The following HDAC9 variants were observed in gnomAD, a reference collection of about 807,000 sequenced individuals.
HDAC9 encodes the protein histone deacetylase 9, also known as MEF-2 interacting transcription repressor (MITR) protein.
HDAC9 carries 41 observed loss-of-function variants against 139.4 expected under a neutral mutation model. That is an observed-to-expected ratio of 0.29 (90% CI 0.23 to 0.38). HDAC9 has a LOEUF of 0.38. Among genes scored for constraint, HDAC9 ranks in the 10% least tolerant of loss-of-function variants. The probability of loss-of-function intolerance (pLI) is 1.00; values close to 1 mark genes in which losing one functional copy is unlikely to be tolerated. For missense variants in HDAC9, 1,147 were observed against 1,297.0 expected (o/e 0.88, Z 1.78); for synonymous variants, 517 against 476.2 (o/e 1.09, Z -1.12).
chr7:18,516,507 C>T (rs1803233729), intron 2 of HDAC9, among the ~76,000 whole-genome samples: 1 of 152,088 alleles, frequency 6.6e-6, no homozygotes, highest in Non-Finnish European at 1.5e-5. Context: ...TTCCTCTCAC[C>T]TCCTTCACAT....
chr7:18,393,048 G>C (rs946557613), intron 1 of HDAC9, among the ~76,000 whole-genome samples: 1 of 151,526 alleles, frequency 6.6e-6, no homozygotes, highest in Non-Finnish European at 1.5e-5. Flanking sequence ...GGGCAGAACA[G>C]TGATTCACTT....
At position 18,301,545 on chromosome 7, in the gene HDAC9, T is replaced by A. The variant is rs190333602; in HGVS notation, c.-42+11030T>A. Among the ~76,000 whole-genome samples the A allele has an allele frequency of 1.8e-3, 274 of 152,292 alleles. 1 individual carries two copies. The highest frequency in any genetic ancestry group is 6.3e-3 in the African/African-American group (262 of 41,568). On this transcript the variant is annotated intron_variant, in intron 1 of 3. Coordinates refer to the HDAC9 transcript ENST00000413509. Reference sequence around the variant, plus strand: ...AGTAGATAGCATAATACTTTCTTTCTTATTACTATCTAAGTATTTAAATGC... The same window carrying A: ...AGTAGATAGCATAATACTTTCTTTCATATTACTATCTAAGTATTTAAATGC...
At chr7:18,122,467 A>C (rs1262955820) in intron 1 of HDAC9, among the ~76,000 whole-genome samples, 1 of 152,190 alleles carries the variant, frequency 6.6e-6, no homozygotes, top group Non-Finnish European at 1.5e-5. Context: ...AAAAAAGCCA[A>C]AATAACTAGG....
intron 6 of HDAC9, among the ~76,000 whole-genome samples, chr7:18,626,854 A>C (rs1223514575): frequency 3.3e-5 from 5 of 152,164 alleles, no homozygotes; most frequent in Non-Finnish European, 7.4e-5. Flanking sequence ...CTATTTTTCC[A>C]ATCTGTCAGC....
chr7:18,640,355 C>CT (rs1270141715), intron 8 of HDAC9, among the ~76,000 whole-genome samples: 18 of 60,366 alleles, frequency 3.0e-4, no homozygotes, highest in Middle Eastern at 0.016. Context: ...AAGATCCTGT[C>CT]TTAAAAAAAA....
At position 18,931,506 on chromosome 7, in the gene HDAC9, A is replaced by G. The variant is rs894504135; in HGVS notation, c.2804-4303A>G. 2.5e-4 allele frequency among the ~76,000 whole-genome samples: 38 copies of G among 152,184 alleles called. 1 individual carries two copies. The highest frequency in any genetic ancestry group is 4.6e-4 in the Admixed American group (7 of 15,278). On this transcript the variant is annotated intron_variant, in intron 22 of 25. Coordinates refer to ENST00000686413, the MANE Select transcript of HDAC9 (RefSeq NM_178425.4). ...TTGTAAAGTGACTAATTTGACTTCCATCCAAATAGTAGTTAAGTGGTTAAA... is the reference window on the plus strand; with the variant it reads ...TTGTAAAGTGACTAATTTGACTTCCGTCCAAATAGTAGTTAAGTGGTTAAA...
At chr7:18,206,594 T>C (rs920175639) in intron 2 of HDAC9, among the ~76,000 whole-genome samples, 24 of 152,140 alleles carry the variant, frequency 1.6e-4, no homozygotes, top group Non-Finnish European at 2.9e-4. Flanking sequence ...CCAGAGAAAT[T>C]CAGCCTTTCA....
chr7:18,454,431 G>A (rs1173688665), intron 1 of HDAC9, among the ~76,000 whole-genome samples: 1 of 151,968 alleles, frequency 6.6e-6, no homozygotes, highest in African/African-American at 2.4e-5. Flanking sequence ...CACTTCCTAT[G>A]TAAGGCTACT....
At chr7:18,446,632 C>T (rs1792321341) in intron 1 of HDAC9, among the ~76,000 whole-genome samples, 2 of 152,114 alleles carry the variant, frequency 1.3e-5, no homozygotes, top group African/African-American at 4.8e-5. Flanking sequence ...TCAGCAAAAG[C>T]ACTGTTGATA....
In HDAC9 at chr7:18,306,194, G is replaced by A. The variant is rs890017914; in HGVS notation, c.-42+15679G>A. 2.0e-5 allele frequency among the ~76,000 whole-genome samples: 3 copies of A among 152,212 alleles called. No individual in the cohort carries two copies. The South Asian group carries it at 6.2e-4, about 31-fold the overall frequency. On this transcript the variant is annotated intron_variant, in intron 1 of 3. Transcript: ENST00000413509. ...CTGTACAACAGGCACACAGGGTGAGGAGCTGGGGTATTTCAATACCAACTC... is the reference window on the plus strand; with the variant it reads ...CTGTACAACAGGCACACAGGGTGAGAAGCTGGGGTATTTCAATACCAACTC...
chr7:18,656,740 CA>C (rs1791330855), intron 11 of HDAC9, among the ~76,000 whole-genome samples: 2 of 152,102 alleles, frequency 1.3e-5, no homozygotes, highest in African/African-American at 4.8e-5. Context: ...AGTGCTGTGA[CA>C]AACATAGGAG....
chr7:18,792,785 A>G (rs145272582), intron 16 of HDAC9, among the ~76,000 whole-genome samples: 2 of 152,148 alleles, frequency 1.3e-5, no homozygotes, highest in East Asian at 3.9e-4. Flanking sequence ...AGGACCACAC[A>G]CTCCTTCCAT....
rs555141224 is a variant in HDAC9 at position 18,106,679 on chromosome 7, C to T, written c.-97+19466C>T. ...ATGTTAGCCAGGCTGGTCTTGAACT[C>T]CTAACCTCAAATGATCTGCCTGCTG... On this transcript the variant is annotated intron_variant, in intron 1 of 12. Coordinates refer to the HDAC9 transcript ENST00000417496. 7.9e-5 allele frequency among the ~76,000 whole-genome samples: 12 copies of T among 152,298 alleles called. No individual in the cohort carries two copies. In the East Asian group the frequency reaches 2.3e-3, roughly 29 times the overall value.
intron 19 of HDAC9, among the ~76,000 whole-genome samples, chr7:18,833,867 T>A (rs1438770126): frequency 3.3e-5 from 5 of 152,202 alleles, no homozygotes; most frequent in Non-Finnish European, 7.3e-5. Context: ...TAGTGTCTAG[T>A]GAAGGAGTAC....
At chr7:18,144,021 C>A (rs1584305029) in intron 1 of HDAC9, among the ~76,000 whole-genome samples, 1 of 152,062 alleles carries the variant, frequency 6.6e-6, no homozygotes, top group African/African-American at 2.4e-5. Context: ...AATCTTCATA[C>A]CCTCACGTCT....
At chr7:18,350,990 T>C (rs1782804204) in intron 1 of HDAC9, among the ~76,000 whole-genome samples, 1 of 152,198 alleles carries the variant, frequency 6.6e-6, no homozygotes, top group African/African-American at 2.4e-5. Flanking sequence ...ATACATTTTA[T>C]AACCCCTGCC....
chr7:18,161,313 G>A (rs1787612306), intron 1 of HDAC9, among the ~76,000 whole-genome samples: 1 of 152,056 alleles, frequency 6.6e-6, no homozygotes, highest in Admixed American at 6.6e-5. Context: ...ATATATTGGG[G>A]CAAAAATAGC....
upstream of HDAC9, among the ~76,000 whole-genome samples, chr7:18,492,709 C>A (rs576066036): frequency 3.8e-3 from 574 of 152,016 alleles, 8 homozygotes; most frequent in African/African-American, 0.013. Flanking sequence ...TTTTCCCCCA[C>A]ATTAGTAAAC....
At chr7:18,152,640 A>C (rs1786868255) in intron 1 of HDAC9, among the ~76,000 whole-genome samples, 1 of 152,116 alleles carries the variant, frequency 6.6e-6, no homozygotes, top group African/African-American at 2.4e-5. Flanking sequence ...CACTGGTATG[A>C]AATCTGGGAG....
Sources: gnomAD v4.1 joint callset for allele counts (sites outside exome capture counted in the v4.1 genomes callset) on GRCh38, gnomAD v4.1.1 for gene constraint, MANE v1.5 for transcripts, NCBI Gene and HGNC (gene_info 2026-07-23, HGNC 2026-07-21) for gene names.